The following SLC12A3 variants were observed in gnomAD, a reference collection of about 807,000 sequenced individuals.
The protein encoded by SLC12A3 is solute carrier family 12 member 3.
A neutral mutation model predicts 121.0 loss-of-function variants in SLC12A3; 104 were observed. That is an observed-to-expected ratio of 0.86 (90% confidence interval 0.73 to 1.01). SLC12A3 has a LOEUF of 1.01. SLC12A3 is among the 50% of genes least tolerant of loss of function. The pLI is 0.00. For missense variants in SLC12A3, 1,328 were observed against 1,356.3 expected (o/e 0.98, Z 0.33); for synonymous variants, 536 against 533.4 (o/e 1.00, Z -0.07).
rs1258218034 is a variant in SLC12A3 at position 56,913,390 on chromosome 16, C to A, written c.3051C>A (p.Thr1017=). The change falls in exon 26 of 26, where the codon ACC becomes ACA. Residue 1017 remains threonine (T), a synonymous_variant. Transcript: ENST00000563236. ...GAGGAAACCAGGAAAACGTGCTCAC[C>A]TTTTACTGCCAGTAACTCCAGGCTT... The part of the protein sequence containing the change: ...LIRGNQENVL[T]FYCQ 6.2e-7 allele frequency: 1 copy of A among 1,614,076 alleles called. No individual in the cohort carries two copies. The highest frequency in any genetic ancestry group is 8.5e-7 in the Non-Finnish European group (1 of 1,180,024).
intron 6 of SLC12A3, 61 bp downstream of exon 6, chr16:56,870,797 A>T (rs2055085612): frequency 3.0e-6 from 3 of 995,652 alleles, no homozygotes; most frequent in African/African-American, 3.2e-5. Flanking sequence ...GGGGGTTGCC[A>T]GGCCTGGGCC....
Position 56,880,252 on chromosome 16 carries a change from C to T in SLC12A3, c.1566C>T (p.Ile522=), listed in dbSNP as rs757059199. 23 of 1,577,888 alleles carry T rather than the reference C, an allele frequency of 1.5e-5. 1 individual carries two copies. The highest frequency in any genetic ancestry group is 1.7e-4 in the Middle Eastern group (1 of 5,998). ...AYAIAVAFII[I]AELNTIAPII... Reference sequence around the variant, plus strand: ...CCATCGCTGTGGCCTTCATCATCATCGGTAAGGCTCTGCCAGGGCTCACAG... The same window carrying T: ...CCATCGCTGTGGCCTTCATCATCATTGGTAAGGCTCTGCCAGGGCTCACAG... The change falls in exon 12 of 26, where the codon ATC becomes ATT. Residue 522 remains isoleucine (I), a splice_region_variant and synonymous_variant. Coordinates refer to ENST00000563236, the MANE Select transcript of SLC12A3 (RefSeq NM_001126108.2).
intron 22 of SLC12A3, among the ~76,000 whole-genome samples, chr16:56,895,666 G>A (rs1212179426): frequency 3.3e-5 from 5 of 152,196 alleles, no homozygotes; most frequent in Middle Eastern, 3.4e-3. Context: ...GACTGGTTTC[G>A]TGGAAGACAA....
At chr16:56,912,405 G>T (rs2055698171) in intron 25 of SLC12A3, among the ~76,000 whole-genome samples, 1 of 152,230 alleles carries the variant, frequency 6.6e-6, no homozygotes, top group Non-Finnish European at 1.5e-5. Context: ...GTTAAGACAA[G>T]GGGCCTCCCC....
At chr16:56,875,206 T>C (rs538225670) in intron 8 of SLC12A3, among the ~76,000 whole-genome samples, 1 of 152,302 alleles carries the variant, frequency 6.6e-6, no homozygotes, top group African/African-American at 2.4e-5. Context: ...ACCCATCCTG[T>C]GGGACAGCAT....
intron 25 of SLC12A3, 60 bp downstream of exon 25, chr16:56,904,522 G>A (rs1399112455): frequency 3.9e-6 from 6 of 1,533,392 alleles, no homozygotes; most frequent in African/African-American, 1.4e-5. Flanking sequence ...TCTCAGCTCT[G>A]GGAAGGGGCT....
At position 56,872,742 on chromosome 16, in the gene SLC12A3, G is replaced by T; in HGVS notation, c.1051G>T (p.Ala351Ser). The T allele has an allele frequency of 6.2e-7, 1 of 1,614,212 alleles. No individual in the cohort carries two copies. Among genetic ancestry groups the T allele is most frequent in the Non-Finnish European group, 8.5e-7 (1 of 1,180,046 alleles). ...AATGTTCTCCATCTTCTTCCCCTCG[G>T]CCACAGGCATCCTGGCAGGGGCCAA... ...FGMFSIFFPS[A>S]TGILAGANIS... Residue 351 changes from alanine to serine, a missense_variant, in exon 8 of 26, where the codon GCC (alanine) becomes TCC (serine). Physicochemically the swap from Ala to Ser is moderately conservative, Grantham distance 99. Transcript: ENST00000563236.
intron 24 of SLC12A3, 141 bp downstream of exon 24, chr16:56,902,649 A>G: frequency 9.5e-7 from 1 of 1,053,674 alleles, no homozygotes; most frequent in Non-Finnish European, 1.4e-6. Context: ...TCCTCAAGCC[A>G]CAGTCGTTCA....
At chr16:56,912,771 T>TG (rs1374512037) in intron 25 of SLC12A3, among the ~76,000 whole-genome samples, 1 of 151,544 alleles carries the variant, frequency 6.6e-6, no homozygotes, top group East Asian at 1.9e-4. Context: ...GGCAGTAAAG[T>TG]GGGGTGATGT....
In SLC12A3 at chr16:56,879,189, C is replaced by A; in HGVS notation, c.1297C>A (p.Gln433Lys). Residue 433 changes from glutamine (Q) to lysine (K), a missense_variant, in exon 10 of 26, where the codon CAG (glutamine) becomes AAG (lysine). Coordinates refer to ENST00000563236, the MANE Select transcript of SLC12A3 (RefSeq NM_001126108.2). Reference sequence around the variant, plus strand: ...CTGGAACTTCACCGAGTGCACCCAGCAGCACAGCTGCCACTACGGCCTCAT... The same window carrying A: ...CTGGAACTTCACCGAGTGCACCCAGAAGCACAGCTGCCACTACGGCCTCAT... ...YGWNFTECTQ[Q>K]HSCHYGLINY... 6.2e-7 allele frequency: 1 copy of A among 1,613,128 alleles called. No individual in the cohort carries two copies. Among genetic ancestry groups the A allele is most frequent in the Non-Finnish European group, 8.5e-7 (1 of 1,180,018 alleles).
At chr16:56,894,737 A>G in intron 22 of SLC12A3, 95 bp downstream of exon 22, 1 of 908,160 alleles carries the variant, frequency 1.1e-6, no homozygotes, top group South Asian at 1.4e-5. Flanking sequence ...CTCTACCACC[A>G]CCCCCAGGTG....
At chr16:56,897,849 C>T (rs908474689) in intron 22 of SLC12A3, among the ~76,000 whole-genome samples, 19 of 152,256 alleles carry the variant, frequency 1.2e-4, no homozygotes, top group African/African-American at 4.1e-4. Context: ...TGCCTAGGCA[C>T]TGCCCAGGCC....
Position 56,880,124 on chromosome 16 carries a change from C to T in SLC12A3, c.1444-6C>T. The T allele has an allele frequency of 2.5e-6, 4 of 1,603,674 alleles. No homozygotes were observed. The highest frequency in any genetic ancestry group is 3.4e-6 in the Non-Finnish European group (4 of 1,176,408). On this transcript the variant is annotated splice_region_variant and splice_polypyrimidine_tract_variant and intron_variant, in intron 11 of 25. Coordinates refer to ENST00000563236, the MANE Select transcript of SLC12A3 (RefSeq NM_001126108.2). ...CTAAGGGTGAGTGCGGCATCTGGTG[C>T]TGCAGTGCCTTTGCGAGGACCAGCT...
chr16:56,879,375 G>A (rs962078579), intron 10 of SLC12A3, 148 bp downstream of exon 10: 2 of 1,185,860 alleles, frequency 1.7e-6, no homozygotes, highest in South Asian at 2.5e-5. Flanking sequence ...GCCCAGGTCT[G>A]TCCAGTCCCG....
At chr16:56,899,349 C>T (rs147632543) in intron 22 of SLC12A3, among the ~76,000 whole-genome samples, 181 bp from the exon 23 acceptor site, 59 of 152,242 alleles carry the variant, frequency 3.9e-4, no homozygotes, top group African/African-American at 1.3e-3. Context: ...ATTAGCCATG[C>T]GTGGTGGCAC....
intron 24 of SLC12A3, 23 bp downstream of exon 24, chr16:56,902,531 G>GGGGGGGGGCCCC: frequency 1.1e-5 from 8 of 714,470 alleles, no homozygotes; most frequent in Non-Finnish European, 1.9e-5. Context: ...GTGGGGGTGG[G>GGGGGGGGGCCCC]AAACGCGACA....
intron 8 of SLC12A3, among the ~76,000 whole-genome samples, chr16:56,876,702 C>T (rs2055168335): frequency 6.6e-6 from 1 of 152,242 alleles, no homozygotes; most frequent in Non-Finnish European, 1.5e-5. Context: ...CCCCCCAACA[C>T]ACTTGACTTG....
chr16:56,895,319 GTAAC>G (rs2055447919), intron 22 of SLC12A3, among the ~76,000 whole-genome samples: 1 of 148,930 alleles, frequency 6.7e-6, no homozygotes, highest in Non-Finnish European at 1.5e-5. Flanking sequence ...AGCCTCCCTA[GTAAC>G]CAGGATTAGA....
At chr16:56,896,239 A>G (rs1275290870) in intron 22 of SLC12A3, among the ~76,000 whole-genome samples, 5 of 152,130 alleles carry the variant, frequency 3.3e-5, no homozygotes, top group African/African-American at 1.2e-4. Context: ...TTCTCCTCCA[A>G]TTCTGGGGCT....
Sources: allele counts gnomAD v4.1 joint callset (sites outside exome capture counted in the v4.1 genomes callset), GRCh38; gene constraint gnomAD v4.1.1; transcripts MANE v1.5; gene names NCBI Gene and HGNC (gene_info 2026-07-23, HGNC 2026-07-21).